The following WWOX variants were observed in gnomAD, a reference collection of about 807,000 sequenced individuals.
The protein encoded by WWOX is WW domain-containing oxidoreductase.
A neutral mutation model predicts 46.2 loss-of-function variants in WWOX; 69 were observed. That is an observed-to-expected ratio of 1.49 (90% CI 1.23 to 1.82). The LOEUF (loss-of-function observed/expected upper bound fraction) is 1.82, where lower values mean the gene tolerates loss of function less well. Among genes scored for constraint, WWOX ranks in the 40% most tolerant of loss-of-function variants. WWOX has a pLI of 0.00. For synonymous variants in WWOX, 359 were observed against 202.6 expected (o/e 1.77, Z -6.56); for missense variants, 919 against 542.6 (o/e 1.69, Z -6.89).
intron 8 of WWOX, among the ~76,000 whole-genome samples, chr16:79,008,977 G>A (rs1257596254): frequency 2.6e-5 from 4 of 152,204 alleles, no homozygotes; most frequent in South Asian, 2.1e-4. Flanking sequence ...GCTCTGTGAC[G>A]CCAGTGCAAT....
intron 5 of WWOX, chr16:78,264,404 T>A (rs1349601472): frequency 6.6e-6 from 1 of 152,162 alleles, no homozygotes; most frequent in Non-Finnish European, 1.5e-5. Context: ...GCTTAAATTA[T>A]CCCCTCTTTT....
At chr16:78,111,086 G>A (rs1409451777) in intron 3 of WWOX, among the ~76,000 whole-genome samples, 2 of 152,018 alleles carry the variant, frequency 1.3e-5, no homozygotes, top group African/African-American at 4.8e-5. Context: ...TAGGGGTCGG[G>A]CCAGCCCTCC....
chr16:78,850,265 A>G (rs2052408935), intron 8 of WWOX, among the ~76,000 whole-genome samples: 1 of 152,142 alleles, frequency 6.6e-6, no homozygotes, highest in Admixed American at 6.5e-5. Context: ...CATGGTCAGT[A>G]TTTGGTTAAC....
At chr16:78,337,323 A>G (rs908201484) in intron 5 of WWOX, among the ~76,000 whole-genome samples, 1 of 152,170 alleles carries the variant, frequency 6.6e-6, no homozygotes, top group African/African-American at 2.4e-5. Flanking sequence ...AATTGAGTAT[A>G]TAGTACATAA....
chr16:79,185,420 T>C (rs1042788707), intron 8 of WWOX, among the ~76,000 whole-genome samples: 1 of 152,216 alleles, frequency 6.6e-6, no homozygotes, highest in Non-Finnish European at 1.5e-5. Context: ...TTTGACCATA[T>C]TTTCTAACTG....
intron 8 of WWOX, among the ~76,000 whole-genome samples, chr16:78,750,615 TA>T (rs1405366544): frequency 6.6e-6 from 1 of 152,108 alleles, no homozygotes; most frequent in Non-Finnish European, 1.5e-5. Flanking sequence ...ACTCAATAGG[TA>T]GTTTTTCAAT....
At chr16:78,554,923 T>A (rs377154714) in intron 8 of WWOX, among the ~76,000 whole-genome samples, 1 of 152,106 alleles carries the variant, frequency 6.6e-6, no homozygotes, top group Non-Finnish European at 1.5e-5. Context: ...TACCCAAGCA[T>A]TAATTTTGCT....
intron 8 of WWOX, among the ~76,000 whole-genome samples, chr16:78,930,409 C>G (rs1040913993): frequency 6.7e-6 from 1 of 150,094 alleles, no homozygotes; most frequent in South Asian, 2.1e-4. Flanking sequence ...TCCTGAGTAG[C>G]TGGGACTACA....
At chr16:78,121,420 G>C (rs2033086300) in intron 4 of WWOX, among the ~76,000 whole-genome samples, 1 of 152,128 alleles carries the variant, frequency 6.6e-6, no homozygotes, top group Non-Finnish European at 1.5e-5. Context: ...AGTACCTTAT[G>C]ACTTAACCAT....
At chr16:79,156,407 C>T (rs1036031506) in intron 8 of WWOX, among the ~76,000 whole-genome samples, 1 of 152,186 alleles carries the variant, frequency 6.6e-6, no homozygotes, top group African/African-American at 2.4e-5. Context: ...GTGATTCACC[C>T]GCCTCAGCCT....
chr16:78,360,958 C>G, intron 5 of WWOX, among the ~76,000 whole-genome samples: 1 of 152,124 alleles, frequency 6.6e-6, no homozygotes, highest in East Asian at 1.9e-4. Flanking sequence ...GTATCTGGGA[C>G]TATACGCATG....
At chr16:78,850,837 C>G (rs79655889) in intron 8 of WWOX, among the ~76,000 whole-genome samples, 2,215 of 152,202 alleles carry the variant, frequency 0.015, 61 homozygotes, top group African/African-American at 0.05. Context: ...TTCTTAGTGT[C>G]TATTTTTGGT....
chr16:78,722,113 C>T (rs930371319), intron 8 of WWOX, among the ~76,000 whole-genome samples: 2 of 152,176 alleles, frequency 1.3e-5, no homozygotes, highest in African/African-American at 2.4e-5. Flanking sequence ...GGTCATGATC[C>T]TGACATTCCA....
At chr16:78,888,280 T>C (rs566139615) in intron 8 of WWOX, among the ~76,000 whole-genome samples, 1 of 152,326 alleles carries the variant, frequency 6.6e-6, no homozygotes, top group Non-Finnish European at 1.5e-5. Context: ...AGAACCCACT[T>C]TGGGCTAGTG....
chr16:78,649,583 C>G (rs1390827322), intron 8 of WWOX, among the ~76,000 whole-genome samples: 1 of 152,198 alleles, frequency 6.6e-6, no homozygotes, highest in African/African-American at 2.4e-5. Flanking sequence ...GGCTCTTCCC[C>G]CGTTTGTTAA....
chr16:78,422,734 C>CACACCTATATAT (rs2082969412), intron 6 of WWOX, among the ~76,000 whole-genome samples: 1 of 86,048 alleles, frequency 1.2e-5, no homozygotes, highest in African/African-American at 9.9e-5. Context: ...TATATATACA[C>CACACCTATATAT]ACACATATAT....
chr16:79,189,700 G>C (rs1245333519), intron 8 of WWOX, among the ~76,000 whole-genome samples: 1 of 152,046 alleles, frequency 6.6e-6, no homozygotes, highest in Non-Finnish European at 1.5e-5. Flanking sequence ...AGCTAGGAGA[G>C]ATAAGAAATG....
intron 8 of WWOX, among the ~76,000 whole-genome samples, chr16:78,659,558 G>C (rs530759984): frequency 3.0e-4 from 45 of 152,186 alleles, no homozygotes; most frequent in African/African-American, 1.0e-3. Context: ...AAAACCTTTC[G>C]AGACATCATT....
chr16:79,024,705 G>A (rs2047603029), intron 8 of WWOX, among the ~76,000 whole-genome samples: 1 of 152,098 alleles, frequency 6.6e-6, no homozygotes, highest in Non-Finnish European at 1.5e-5. Flanking sequence ...AAAGTGCTGG[G>A]ATTACAGGCA....
Sources: allele counts gnomAD v4.1 joint callset (sites outside exome capture counted in the v4.1 genomes callset), GRCh38; gene constraint gnomAD v4.1.1; transcripts MANE v1.5; gene names NCBI Gene and HGNC (gene_info 2026-07-23, HGNC 2026-07-21).